SRGAP3: variants seen among roughly 807,000 people sequenced by gnomAD.
SRGAP3 encodes SLIT-ROBO Rho GTPase-activating protein 3.
A neutral mutation model predicts 121.1 loss-of-function variants in SRGAP3; 39 were observed. That is an observed-to-expected ratio of 0.32 (90% CI 0.25 to 0.42). The LOEUF is 0.42. Among genes scored for constraint, SRGAP3 ranks in the 10% least tolerant of loss-of-function variants. SRGAP3 has a pLI of 1.00. For missense variants in SRGAP3, 1,213 were observed against 1,470.6 expected (o/e 0.82, Z 2.86); for synonymous variants, 601 against 570.0 (o/e 1.05, Z -0.77).
At chr3:9,015,476 GCACGTCA>G (rs1943592665) in intron 15 of SRGAP3, 114 bp downstream of exon 15, 2 of 1,279,482 alleles carry the variant, frequency 1.6e-6, no homozygotes, top group Admixed American at 1.9e-5. Flanking sequence ...CTACGAGGAT[GCACGTCA>G]CACTTCGCCT....
At chr3:9,210,095 T>C (rs1015096501) in intron 1 of SRGAP3, among the ~76,000 whole-genome samples, 1 of 150,480 alleles carries the variant, frequency 6.6e-6, no homozygotes, top group Middle Eastern at 3.5e-3. Context: ...GCAATGCCCA[T>C]AAAAGGCAAA....
At chr3:9,034,006 A>G (rs1289433933) in intron 11 of SRGAP3, 1 of 152,190 alleles carries the variant, frequency 6.6e-6, no homozygotes, top group African/African-American at 2.4e-5. Context: ...GTCTTGCTTT[A>G]CTTTAGGATT....
chr3:9,203,464 C>T (rs1290207759), intron 1 of SRGAP3, among the ~76,000 whole-genome samples: 4 of 152,132 alleles, frequency 2.6e-5, no homozygotes, highest in East Asian at 1.9e-4. Context: ...AACTGAGAAC[C>T]GACCACATGT....
chr3:9,342,703 C>T (rs530834067), intron 1 of SRGAP3, among the ~76,000 whole-genome samples: 6 of 152,010 alleles, frequency 3.9e-5, no homozygotes, highest in Non-Finnish European at 5.9e-5. Flanking sequence ...GCCTTCAGTG[C>T]CTTTACTTAG....
intron 3 of SRGAP3, among the ~76,000 whole-genome samples, chr3:9,288,239 G>C (rs1954812946): frequency 6.7e-6 from 1 of 148,544 alleles, no homozygotes; most frequent in Admixed American, 6.9e-5. Flanking sequence ...CCAGGTTCAA[G>C]TGATTATCCT....
chr3:9,122,752 G>A (rs142168603), intron 2 of SRGAP3, among the ~76,000 whole-genome samples: 4 of 150,664 alleles, frequency 2.7e-5, no homozygotes, highest in Middle Eastern at 3.4e-3. Context: ...AGAAAAAGAA[G>A]CACGGTATTT....
chr3:9,348,185 C>T (rs1955941226), intron 1 of SRGAP3, among the ~76,000 whole-genome samples: 1 of 152,144 alleles, frequency 6.6e-6, no homozygotes. Flanking sequence ...TCATCCAAGA[C>T]AAAGCTCCAA....
rs768951532 is a variant in SRGAP3, at chr3:9,064,455, G to A, written c.613C>T (p.His205Tyr). ...SGDLSMNLLR[H>Y]EDRPQRRSSV... is the part of the protein sequence containing the mutation. ...CTGCGGCGCTGGGGCCGGTCCTCGTGCCGGAGCAGGTTCATGCTGAGGTCT... is the reference window on the plus strand; with the variant it reads ...CTGCGGCGCTGGGGCCGGTCCTCGTACCGGAGCAGGTTCATGCTGAGGTCT... Residue 205 changes from histidine (H) to tyrosine (Y), a missense_variant, in exon 5 of 22, where the codon CAC becomes TAC. Physicochemically the swap from His to Tyr is moderately conservative, Grantham distance 83. Coordinates refer to ENST00000383836, the MANE Select transcript of SRGAP3 (RefSeq NM_014850.4). The A allele has an allele frequency of 8.1e-6, 13 of 1,614,110 alleles. No individual in the cohort carries two copies. The highest frequency in any genetic ancestry group is 1.1e-5 in the Non-Finnish European group (13 of 1,180,052).
intron 1 of SRGAP3, among the ~76,000 whole-genome samples, chr3:9,127,343 A>G (rs913170224): frequency 3.9e-5 from 6 of 152,208 alleles, no homozygotes; most frequent in Non-Finnish European, 7.3e-5. Context: ...TCTCAAAAAC[A>G]TTAAAATGTG....
intron 1 of SRGAP3, among the ~76,000 whole-genome samples, chr3:9,174,017 G>T (rs1419653981): frequency 6.6e-6 from 1 of 150,504 alleles, no homozygotes; most frequent in Non-Finnish European, 1.5e-5. Flanking sequence ...AACCAGATGC[G>T]GTCTAGGCAC....
chr3:9,255,022 GAGAA>G (rs57938026), intron 3 of SRGAP3, among the ~76,000 whole-genome samples: 3 of 150,512 alleles, frequency 2.0e-5, no homozygotes, highest in Non-Finnish European at 3.0e-5. Context: ...GAAAAAGAAA[GAGAA>G]AGAAAGGAAG....
At chr3:9,064,180 A>C (rs1946310041) in intron 5 of SRGAP3, among the ~76,000 whole-genome samples, 1 of 152,224 alleles carries the variant, frequency 6.6e-6, no homozygotes, top group Non-Finnish European at 1.5e-5. Context: ...AGCCAGGCCT[A>C]ACCAGTGTTA....
intron 1 of SRGAP3, among the ~76,000 whole-genome samples, chr3:9,203,735 T>C (rs1952153780): frequency 1.3e-5 from 2 of 152,306 alleles, no homozygotes; most frequent in Middle Eastern, 3.4e-3. Flanking sequence ...ATGGTAAAGG[T>C]TCAAAACTAT....
At chr3:9,062,574 A>G (rs1442417186) in intron 5 of SRGAP3, among the ~76,000 whole-genome samples, 1 of 152,046 alleles carries the variant, frequency 6.6e-6, no homozygotes, top group Admixed American at 6.5e-5. Context: ...TCTATTTTCT[A>G]TTTCCATAGA....
intron 1 of SRGAP3, among the ~76,000 whole-genome samples, chr3:9,338,707 C>G (rs531411901): frequency 2.0e-5 from 3 of 152,304 alleles, no homozygotes; most frequent in Admixed American, 2.0e-4. Context: ...GTTAACCATG[C>G]ACCATCAGCA....
At chr3:9,236,264 T>C (rs1308226146) in intron 1 of SRGAP3, 1 of 175,434 alleles carries the variant, frequency 5.7e-6, no homozygotes, top group Non-Finnish European at 1.2e-5. Context: ...TAAGAGTTTC[T>C]CCAGCTCTCC....
chr3:9,024,752 A>G (rs1250138616), intron 14 of SRGAP3, among the ~76,000 whole-genome samples: 4 of 152,262 alleles, frequency 2.6e-5, no homozygotes, highest in Non-Finnish European at 5.9e-5. Flanking sequence ...TGCATAAAAA[A>G]TTAAAAATTA....
rs554480874 is a variant in SRGAP3 at position 9,069,764 on chromosome 3, T to G, written c.487-5183A>C. ...GAGTTTGAGACCAGCCTGGCCAACA[T>G]AGTGAAACCCTGTCTCTACTAAAAA... On this transcript the variant is annotated intron_variant, in intron 4 of 21. Coordinates refer to ENST00000383836, the MANE Select transcript of SRGAP3 (RefSeq NM_014850.4). 1.7e-4 allele frequency among the ~76,000 whole-genome samples: 26 copies of G among 152,186 alleles called. 1 individual carries two copies. The highest frequency in any genetic ancestry group is 3.1e-4 in the Non-Finnish European group (21 of 68,004).
chr3:9,086,803 CATATA>C lies in SRGAP3; in HGVS notation c.424-6721_424-6717del, dbSNP rs575127918. Among the ~76,000 whole-genome samples the C allele has an allele frequency of 6.1e-5, 9 of 147,836 alleles. No individual in the cohort carries two copies. In the East Asian group the frequency reaches 1.8e-3, roughly 29 times the overall value. Reference sequence around the variant, plus strand: ...TATATGTATATATGTATTACATATACATATAATATACATATACATATAGGTATAGT... The same window carrying C: ...TATATGTATATATGTATTACATATACATATACATATACATATAGGTATAGT... On this transcript the variant is annotated intron_variant, in intron 3 of 21. Transcript: ENST00000383836.
Sources: gnomAD v4.1 joint callset for allele counts (sites outside exome capture counted in the v4.1 genomes callset) on GRCh38, gnomAD v4.1.1 for gene constraint, MANE v1.5 for transcripts, NCBI Gene and HGNC (gene_info 2026-07-23, HGNC 2026-07-21) for gene names.